DCLK2: variants seen among roughly 807,000 people sequenced by gnomAD.
DCLK2 encodes serine/threonine-protein kinase DCLK2.
In DCLK2, 31 loss-of-function variants were observed where a neutral mutation model predicts 78.4. That is an observed-to-expected ratio of 0.40 (90% confidence interval 0.30 to 0.53). The LOEUF (loss-of-function observed/expected upper bound fraction) is 0.53. Ranked by LOEUF, DCLK2 falls within the 20% of genes least tolerant of loss-of-function variation. The pLI, the probability that DCLK2 is intolerant of heterozygous loss-of-function variation, is 0.61. For missense variants in DCLK2, 872 were observed against 973.7 expected, an observed-to-expected ratio of 0.90 and a Z score of 1.39; for synonymous variants, 407 against 374.9, an observed-to-expected ratio of 1.09 and a Z score of -0.99.
At chr4:150,085,993 G>C (rs28392881) in intron 1 of DCLK2, among the ~76,000 whole-genome samples, 1 of 152,016 alleles carries the variant, frequency 6.6e-6, no homozygotes, top group African/African-American at 2.4e-5. Flanking sequence ...TTGAAAGTTG[G>C]CTGGGTACTT....
rs2126420389 is a variant in DCLK2, at chr4:150,198,061, A to G, written c.919A>G (p.Lys307Glu). ...CTCAGCTGTTAAGTATTCTGGATCCAAAAGCCCTGGGCCCTCTCGACGCAG... is the reference window on the plus strand; with the variant it reads ...CTCAGCTGTTAAGTATTCTGGATCCGAAAGCCCTGGGCCCTCTCGACGCAG... ...RSSAVKYSGS[K>E]SPGPSRRSKS... Residue 307 changes from lysine to glutamate, a missense_variant, in exon 4 of 16, where the codon AAA becomes GAA. Physicochemically the swap from Lys to Glu is moderately conservative, Grantham distance 56 (BLOSUM62 1). Around this residue, in one of 3 missense-constraint regions of DCLK2, gnomAD observed 567 missense variants for 593.4 expected, o/e 0.96. Coordinates refer to ENST00000296550, the MANE Select transcript of DCLK2 (RefSeq NM_001040260.4). The G allele has an allele frequency of 6.2e-7, 1 of 1,613,876 alleles. No homozygotes were observed. The highest frequency in any genetic ancestry group is 8.5e-7 in the Non-Finnish European group (1 of 1,179,910).
intron 1 of DCLK2, among the ~76,000 whole-genome samples, chr4:150,089,505 T>C (rs1729894976): frequency 6.6e-6 from 1 of 152,254 alleles, no homozygotes; most frequent in Non-Finnish European, 1.5e-5. Context: ...AAGGTTTCTC[T>C]GTCTCAGTAT....
At chr4:150,216,536 G>A (rs1180439942) in intron 5 of DCLK2, among the ~76,000 whole-genome samples, 1 of 152,170 alleles carries the variant, frequency 6.6e-6, no homozygotes, top group African/African-American at 2.4e-5. Context: ...CTACCCAGGA[G>A]GCTGAGGCAG....
At chr4:150,233,312 C>T (rs1742226386) in intron 10 of DCLK2, among the ~76,000 whole-genome samples, 1 of 152,188 alleles carries the variant, frequency 6.6e-6, no homozygotes, top group South Asian at 2.1e-4. Context: ...CAAGTCACCT[C>T]CCATAAGGTG....
intron 2 of DCLK2, among the ~76,000 whole-genome samples, chr4:150,119,332 A>G (rs1182194580): frequency 1.3e-5 from 2 of 152,174 alleles, no homozygotes; most frequent in African/African-American, 4.8e-5. Context: ...AGATTTCAAC[A>G]TGCTTTAGAT....
chr4:150,229,432 A>G (rs1335894683), intron 8 of DCLK2, among the ~76,000 whole-genome samples: 1 of 152,202 alleles, frequency 6.6e-6, no homozygotes, highest in Non-Finnish European at 1.5e-5. Context: ...GAGGCCACCA[A>G]GGAGGTAAAT....
At chr4:150,192,330 A>C (rs1738513440) in intron 2 of DCLK2, among the ~76,000 whole-genome samples, 1 of 152,082 alleles carries the variant, frequency 6.6e-6, no homozygotes, top group Admixed American at 6.6e-5. Context: ...AATATAAAAA[A>C]TTAGCTGGGT....
chr4:150,100,092 T>C (rs932611527), intron 1 of DCLK2, among the ~76,000 whole-genome samples: 1 of 152,160 alleles, frequency 6.6e-6, no homozygotes, highest in African/African-American at 2.4e-5. Flanking sequence ...TTTGTATTTT[T>C]AGTAGAGACA....
At chr4:150,095,413 C>A (rs1730387957) in intron 1 of DCLK2, among the ~76,000 whole-genome samples, 1 of 152,222 alleles carries the variant, frequency 6.6e-6, no homozygotes, top group Admixed American at 6.5e-5. Context: ...CTTTTGCTCA[C>A]CATTGTTTAT....
chr4:150,182,887 G>C (rs995733863), intron 2 of DCLK2, among the ~76,000 whole-genome samples: 15 of 152,182 alleles, frequency 9.9e-5, no homozygotes, highest in African/African-American at 3.6e-4. Context: ...ACTACTCTTA[G>C]ATAGAGACAG....
chr4:150,143,453 G>C (rs1034710203), intron 2 of DCLK2, among the ~76,000 whole-genome samples: 4 of 152,148 alleles, frequency 2.6e-5, no homozygotes, highest in Admixed American at 2.6e-4. Flanking sequence ...AGACAAGCCT[G>C]AGCAACATGG....
chr4:150,096,607 G>C (rs149552180), intron 1 of DCLK2, among the ~76,000 whole-genome samples: 128 of 152,286 alleles, frequency 8.4e-4, no homozygotes, highest in Non-Finnish European at 1.5e-3. Flanking sequence ...AGGTAAGGGA[G>C]ATCATAGATG....
At chr4:150,138,627 C>A (rs1467330028) in intron 2 of DCLK2, among the ~76,000 whole-genome samples, 1 of 152,116 alleles carries the variant, frequency 6.6e-6, no homozygotes, top group Non-Finnish European at 1.5e-5. Flanking sequence ...ATAGACCAGG[C>A]CTCATTTAAG....
At position 150,155,841 on chromosome 4, in the gene DCLK2, G is replaced by T. The variant is rs558942815; in HGVS notation, c.757-37297G>T. On this transcript the variant is annotated intron_variant, in intron 2 of 15. Transcript: ENST00000296550. ...GAGGAAAACGGGAAGCCTACAGGAA[G>T]GTTGGAAACATGGGAATTGATGTCA... 2.5e-3 allele frequency among the ~76,000 whole-genome samples: 386 copies of T among 152,262 alleles called. 1 individual carries two copies. Among genetic ancestry groups the T allele is most frequent in the Non-Finnish European group, 4.1e-3 (276 of 68,022 alleles).
rs117640933 is a variant in DCLK2 at position 150,163,012 on chromosome 4, A to G, written c.757-30126A>G. On this transcript the variant is annotated intron_variant, in intron 2 of 15. Transcript: ENST00000296550. ...TGAGAATTGACTGTGACTGCGCAACACATCTTTCTTTCTTCCAAAATTGGC... is the reference window on the plus strand; with the variant it reads ...TGAGAATTGACTGTGACTGCGCAACGCATCTTTCTTTCTTCCAAAATTGGC... Among the ~76,000 whole-genome samples the G allele has an allele frequency of 8.4e-3, 1,281 of 152,308 alleles. 8 individuals are homozygous for G. The highest frequency in any genetic ancestry group is 0.014 in the Non-Finnish European group (955 of 68,028).
chr4:150,188,721 G>A (rs2126335812), intron 2 of DCLK2, among the ~76,000 whole-genome samples: 1 of 152,106 alleles, frequency 6.6e-6, no homozygotes, highest in African/African-American at 2.4e-5. Flanking sequence ...CTAACATGGT[G>A]AAGCCCCATC....
At position 150,080,870 on chromosome 4, in the gene DCLK2, TG is replaced by T. The variant is rs1327393564; in HGVS notation, c.421+1423del. 2.0e-5 allele frequency among the ~76,000 whole-genome samples: 3 copies of T among 152,222 alleles called. No homozygotes were observed. In the East Asian group the frequency reaches 5.8e-4, roughly 29 times the overall value. ...TCTTCAGTCTACATATGTATGTGCT[TG>T]TGACTTCACCCATTCTGTCAGTTGT... On this transcript the variant is annotated intron_variant, in intron 1 of 15. Coordinates refer to ENST00000296550, the MANE Select transcript of DCLK2 (RefSeq NM_001040260.4).
chr4:150,176,380 C>T (rs1033813697), intron 2 of DCLK2, among the ~76,000 whole-genome samples: 1 of 152,160 alleles, frequency 6.6e-6, no homozygotes, highest in African/African-American at 2.4e-5. Flanking sequence ...TGCTGGGTGT[C>T]TTCCTAACTT....
intron 2 of DCLK2, among the ~76,000 whole-genome samples, chr4:150,124,205 TC>T (rs1732767664): frequency 6.6e-6 from 1 of 152,152 alleles, no homozygotes; most frequent in African/African-American, 2.4e-5. Flanking sequence ...GACATTTGCC[TC>T]CACAGAAGTT....
Sources: allele counts gnomAD v4.1 joint callset (sites outside exome capture counted in the v4.1 genomes callset), GRCh38; gene constraint gnomAD v4.1.1; regional missense constraint gnomAD v4.1.1; transcripts MANE v1.5; gene names NCBI Gene and HGNC (gene_info 2026-07-23, HGNC 2026-07-21).